Variants in ROBO2 observed in about 807,000 individuals in gnomAD.
The protein encoded by ROBO2 is roundabout homolog 2.
In ROBO2, 53 loss-of-function variants were observed where a neutral mutation model predicts 160.8. That is an observed-to-expected ratio of 0.33 (90% CI 0.26 to 0.41). The LOEUF is 0.41. Ranked by LOEUF, ROBO2 falls within the 10% of genes least tolerant of loss-of-function variation. ROBO2 has a pLI of 1.00. For synonymous variants in ROBO2, 664 were observed against 611.7 expected (o/e 1.09, Z -1.26); for missense variants, 1,577 against 1,722.4 (o/e 0.92, Z 1.49).
At chr3:76,391,625 A>G (rs974686200) in intron 2 of ROBO2, among the ~76,000 whole-genome samples, 1 of 151,968 alleles carries the variant, frequency 6.6e-6, no homozygotes, top group East Asian at 1.9e-4. Context: ...AGGTACAAGC[A>G]ATTCTCCTGC....
chr3:76,621,914 G>A (rs2109265974), intron 2 of ROBO2, among the ~76,000 whole-genome samples: 1 of 152,052 alleles, frequency 6.6e-6, no homozygotes, highest in South Asian at 2.1e-4. Context: ...AAATATCTCA[G>A]TGACACCATT....
intron 2 of ROBO2, among the ~76,000 whole-genome samples, chr3:76,046,608 A>G (rs2067461051): frequency 6.6e-6 from 1 of 151,954 alleles, no homozygotes; most frequent in Non-Finnish European, 1.5e-5. Flanking sequence ...AGATCGCGCC[A>G]CTGCACTCCA....
chr3:76,201,937 A>G (rs888447159), intron 2 of ROBO2, among the ~76,000 whole-genome samples: 2 of 150,266 alleles, frequency 1.3e-5, no homozygotes, highest in African/African-American at 2.4e-5. Flanking sequence ...CCTGAATTGT[A>G]TTCTTCAAAC....
chr3:76,362,637 A>G (rs17790497), intron 2 of ROBO2, among the ~76,000 whole-genome samples: 52,301 of 151,978 alleles, frequency 0.34, 11,281 homozygotes, highest in Non-Finnish European at 0.47. Flanking sequence ...AGCATATTCT[A>G]CATCGAAAAT....
intron 2 of ROBO2, among the ~76,000 whole-genome samples, chr3:76,255,268 T>C (rs1331244769): frequency 2.0e-5 from 3 of 152,154 alleles, no homozygotes; most frequent in Admixed American, 2.0e-4. Flanking sequence ...GCCTGCTATT[T>C]ATTGTTTTCT....
intron 2 of ROBO2, among the ~76,000 whole-genome samples, chr3:77,213,287 T>A (rs2084444746): frequency 6.6e-6 from 1 of 152,178 alleles, no homozygotes; most frequent in Non-Finnish European, 1.5e-5. Flanking sequence ...AGATTCAACT[T>A]CTTCCTGGTT....
chr3:77,153,486 G>A (rs1366895946), intron 2 of ROBO2, among the ~76,000 whole-genome samples: 1 of 152,066 alleles, frequency 6.6e-6, no homozygotes, highest in Non-Finnish European at 1.5e-5. Context: ...TGAGCCTTTA[G>A]AAGTGTGTAA....
At chr3:76,948,096 C>T (rs1204322467) in intron 2 of ROBO2, among the ~76,000 whole-genome samples, 1 of 152,084 alleles carries the variant, frequency 6.6e-6, no homozygotes, top group East Asian at 1.9e-4. Flanking sequence ...CTTTATTTAT[C>T]CCACATCCTG....
At chr3:76,861,547 T>C (rs1407798979) in intron 2 of ROBO2, among the ~76,000 whole-genome samples, 2 of 152,196 alleles carry the variant, frequency 1.3e-5, no homozygotes, top group Non-Finnish European at 2.9e-5. Flanking sequence ...TTATCTCCTC[T>C]GAGTTCCCTC....
chr3:76,155,520 CAAAT>C (rs2072372852), intron 2 of ROBO2, among the ~76,000 whole-genome samples: 1 of 152,016 alleles, frequency 6.6e-6, no homozygotes, highest in African/African-American at 2.4e-5. Context: ...ATCGATTTAA[CAAAT>C]AAAACCAAAC....
At chr3:77,401,026 T>C (rs931344248) in intron 2 of ROBO2, among the ~76,000 whole-genome samples, 10 of 151,524 alleles carry the variant, frequency 6.6e-5, no homozygotes, top group Admixed American at 5.9e-4. Flanking sequence ...TTGTGTGGCA[T>C]TTCCGGATTG....
intron 2 of ROBO2, among the ~76,000 whole-genome samples, chr3:76,333,789 T>C (rs1278743724): frequency 6.6e-6 from 1 of 152,204 alleles, no homozygotes; most frequent in African/African-American, 2.4e-5. Context: ...TCTTTGCTAT[T>C]GTGAGTAGTG....
chr3:77,365,386 A>AT (rs1035615384), intron 2 of ROBO2, among the ~76,000 whole-genome samples: 14 of 151,992 alleles, frequency 9.2e-5, no homozygotes, highest in African/African-American at 3.4e-4. Context: ...ACTGACAGCT[A>AT]TTTTTTTGGG....
intron 2 of ROBO2, among the ~76,000 whole-genome samples, chr3:76,945,768 C>G (rs962744108): frequency 2.6e-5 from 4 of 152,276 alleles, no homozygotes; most frequent in African/African-American, 9.6e-5. Flanking sequence ...CTGCAAGTTC[C>G]ATTTGGTCTT....
intron 9 of ROBO2, among the ~76,000 whole-genome samples, chr3:77,560,982 T>C (rs545260507): frequency 2.6e-5 from 4 of 152,290 alleles, no homozygotes; most frequent in South Asian, 2.1e-4. Flanking sequence ...ATGACTATAA[T>C]GTGTGCACAG....
intron 2 of ROBO2, among the ~76,000 whole-genome samples, chr3:76,236,752 G>A (rs544591233): frequency 6.6e-6 from 1 of 151,926 alleles, no homozygotes; most frequent in East Asian, 1.9e-4. Flanking sequence ...TACATGATTA[G>A]GTTTTCTGAA....
chr3:76,555,372 G>GAAGAAAAGAAGAAGAAGAAGAAGAAGAA (rs1560140793), intron 2 of ROBO2, among the ~76,000 whole-genome samples: 1 of 50,840 alleles, frequency 2.0e-5, no homozygotes, highest in African/African-American at 3.7e-5. Flanking sequence ...AGAAGAAGAA[G>GAAGAAAAGAAGAAGAAGAAGAAGAAGAA]AAGAAGAAGA....
chr3:77,401,288 G>T (rs1428645501), intron 2 of ROBO2, among the ~76,000 whole-genome samples: 1 of 151,738 alleles, frequency 6.6e-6, no homozygotes, highest in Admixed American at 6.6e-5. Context: ...TCAAAGAGGG[G>T]ATTTCAATCC....
intron 2 of ROBO2, among the ~76,000 whole-genome samples, chr3:77,322,259 A>T (rs1246525464): frequency 1.3e-5 from 2 of 152,210 alleles, no homozygotes; most frequent in Non-Finnish European, 2.9e-5. Flanking sequence ...CCTACCAAAC[A>T]TAGTGTTCCT....
Sources: gnomAD v4.1 joint callset for allele counts (sites outside exome capture counted in the v4.1 genomes callset) on GRCh38, gnomAD v4.1.1 for gene constraint, MANE v1.5 for transcripts, NCBI Gene and HGNC (gene_info 2026-07-23, HGNC 2026-07-21) for gene names.